The following LARGE1 variants were observed in gnomAD, a reference collection of about 807,000 sequenced individuals.
LARGE1 encodes the protein xylosyl- and glucuronyltransferase LARGE1.
In LARGE1, 43 loss-of-function variants were observed where a neutral mutation model predicts 87.6. That is an observed-to-expected ratio of 0.49 (90% CI 0.38 to 0.63). The LOEUF is 0.63. Ranked by LOEUF, LARGE1 falls within the 30% of genes least tolerant of loss-of-function variation. The pLI is 0.00. For missense variants in LARGE1, 802 were observed against 1,000.2 expected (o/e 0.80, Z 2.67); for synonymous variants, 434 against 394.6 (o/e 1.10, Z -1.18).
intron 1 of LARGE1, among the ~76,000 whole-genome samples, chr22:33,847,151 C>T (rs59001103): frequency 0.017 from 2,538 of 152,238 alleles, 82 homozygotes; most frequent in African/African-American, 0.058. Flanking sequence ...GTACTCTGTC[C>T]TTTATTTCTC....
chr22:33,640,806 T>C (rs1247512338), intron 3 of LARGE1, among the ~76,000 whole-genome samples: 1 of 152,090 alleles, frequency 6.6e-6, no homozygotes, highest in African/African-American at 2.4e-5. Context: ...ACAGTGTTAA[T>C]TGACTGTGCA....
chr22:33,688,459 C>A (rs1415842812), intron 2 of LARGE1, among the ~76,000 whole-genome samples: 2 of 152,160 alleles, frequency 1.3e-5, no homozygotes. Context: ...TCAAGCAATT[C>A]TCCTGCCTCA....
At chr22:33,910,691 C>A (rs1178042855) in intron 1 of LARGE1, among the ~76,000 whole-genome samples, 1 of 152,156 alleles carries the variant, frequency 6.6e-6, no homozygotes, top group Admixed American at 6.5e-5. Context: ...GGAAACCCCA[C>A]AAAGAGACAG....
At chr22:33,751,476 C>A (rs1312190865) in intron 2 of LARGE1, among the ~76,000 whole-genome samples, 1 of 141,752 alleles carries the variant, frequency 7.1e-6, no homozygotes, top group South Asian at 2.2e-4. Context: ...CAGATTGAGA[C>A]TCCATCTCAA....
chr22:33,610,168 T>C (rs2079386089), intron 4 of LARGE1, among the ~76,000 whole-genome samples: 1 of 152,156 alleles, frequency 6.6e-6, no homozygotes, highest in South Asian at 2.1e-4. Context: ...AGTGAGATAC[T>C]ACTATAAACA....
chr22:33,348,318 A>T (rs1300599506), intron 9 of LARGE1, among the ~76,000 whole-genome samples: 1 of 139,332 alleles, frequency 7.2e-6, no homozygotes. Context: ...AGAGATCAAG[A>T]GTGCTGTTGG....
intron 4 of LARGE1, among the ~76,000 whole-genome samples, chr22:33,619,189 A>T (rs1033011217): frequency 6.6e-6 from 1 of 152,132 alleles, no homozygotes; most frequent in Non-Finnish European, 1.5e-5. Context: ...GGAACAAAAA[A>T]TCCTGCATCA....
intron 5 of LARGE1, among the ~76,000 whole-genome samples, chr22:33,585,352 T>C (rs534624522): frequency 4.9e-4 from 75 of 152,026 alleles, no homozygotes; most frequent in Admixed American, 4.3e-3. Context: ...GAGACACACA[T>C]AGAAACGCAC....
At chr22:33,394,755 G>T (rs900018375) in intron 7 of LARGE1, among the ~76,000 whole-genome samples, 1 of 150,890 alleles carries the variant, frequency 6.6e-6, no homozygotes, top group African/African-American at 2.5e-5. Flanking sequence ...ATGTGTGTGT[G>T]TATCTACATG....
In LARGE1 at chr22:33,551,518, T is replaced by C. The variant is rs116976984; in HGVS notation, c.787+13330A>G. Among the ~76,000 whole-genome samples the C allele has an allele frequency of 3.9e-5, 6 of 152,314 alleles. No individual in the cohort carries two copies. The East Asian group carries it at 9.6e-4, about 24-fold the overall frequency. On this transcript the variant is annotated intron_variant, in intron 6 of 14. Transcript: ENST00000397394. ...AGAGTAGGAGTAACCCTGACTTTCA[T>C]GTGGGATTCCCAGACAAGATACATC...
chr22:33,883,176 C>T (rs2064747220), intron 1 of LARGE1, among the ~76,000 whole-genome samples: 2 of 152,138 alleles, frequency 1.3e-5, no homozygotes, highest in African/African-American at 4.8e-5. Flanking sequence ...ATGCAAAGGG[C>T]CATGCACACA....
chr22:33,818,347 C>A (rs73171909), intron 1 of LARGE1, among the ~76,000 whole-genome samples: 3,513 of 152,274 alleles, frequency 0.023, 62 homozygotes, highest in Middle Eastern at 0.051. Context: ...GGAACCCTAT[C>A]AACTCACTCA....
At chr22:33,686,905 G>C (rs2081961818) in intron 2 of LARGE1, among the ~76,000 whole-genome samples, 1 of 152,132 alleles carries the variant, frequency 6.6e-6, no homozygotes, top group South Asian at 2.1e-4. Flanking sequence ...TATTTTATCT[G>C]GCAACCCCAG....
intron 1 of LARGE1, among the ~76,000 whole-genome samples, chr22:33,878,125 ATTTC>A (rs1030797615): frequency 7.8e-5 from 4 of 51,256 alleles, no homozygotes; most frequent in Admixed American, 4.1e-4. Context: ...TTTATATTGT[ATTTC>A]TTTTTTTTTT....
Position 33,431,500 on chromosome 22 carries a change from C to A in LARGE1, c.892+661G>T, listed in dbSNP as rs540180913. ...TATTTCTGCATTTTCTCCTGCCAGG[C>A]ACATGTGGTCCTCAAAAGTGCTGAT... On this transcript the variant is annotated intron_variant, in intron 7 of 14. Transcript: ENST00000397394. Among the ~76,000 whole-genome samples the A allele has an allele frequency of 1.7e-3, 263 of 152,206 alleles. 4 individuals carry two copies. The highest frequency in any genetic ancestry group is 6.3e-3 in the African/African-American group (260 of 41,496).
At chr22:33,337,324 T>A (rs188251095) in intron 10 of LARGE1, among the ~76,000 whole-genome samples, 1 of 152,110 alleles carries the variant, frequency 6.6e-6, no homozygotes, top group Admixed American at 6.5e-5. Context: ...CACAAAAACA[T>A]TGGTGTTTCC....
chr22:33,473,295 A>G (rs2068931503), intron 6 of LARGE1, among the ~76,000 whole-genome samples: 2 of 152,092 alleles, frequency 1.3e-5, no homozygotes, highest in Admixed American at 6.5e-5. Context: ...CAGCCTCCCA[A>G]GTAGCTGGGA....
At chr22:33,195,402 A>G (rs1023619777) in intron 11 of LARGE1, among the ~76,000 whole-genome samples, 3 of 152,146 alleles carry the variant, frequency 2.0e-5, no homozygotes, top group Non-Finnish European at 4.4e-5. Flanking sequence ...ATTTTATATT[A>G]TATTTATCAT....
At position 33,698,696 on chromosome 22, in the gene LARGE1, C is replaced by T. The variant is rs544112127; in HGVS notation, c.107-48028G>A. On this transcript the variant is annotated intron_variant, in intron 2 of 14. Coordinates refer to ENST00000397394, the MANE Select transcript of LARGE1 (RefSeq NM_133642.5). ...GGCCATTTACTGAACCTTTACTGAA[C>T]GTCCACTCATCCAGCCCAGCTGGCT... 1.8e-4 allele frequency among the ~76,000 whole-genome samples: 27 copies of T among 152,288 alleles called. 2 individuals are homozygous for T. The highest frequency in any genetic ancestry group is 3.1e-4 in the African/African-American group (13 of 41,552).
Sources: allele counts gnomAD v4.1 joint callset (sites outside exome capture counted in the v4.1 genomes callset), GRCh38; gene constraint gnomAD v4.1.1; transcripts MANE v1.5; gene names NCBI Gene and HGNC (gene_info 2026-07-23, HGNC 2026-07-21).